MEI1: variants seen among roughly 807,000 people sequenced by gnomAD.
MEI1 encodes the protein meiosis inhibitor protein 1.
In MEI1, 103 loss-of-function variants were observed where a neutral mutation model predicts 146.2. That is an observed-to-expected ratio of 0.70 (90% CI 0.60 to 0.83). MEI1 has a LOEUF of 0.83. Among genes scored for constraint, MEI1 ranks in the 40% least tolerant of loss-of-function variants. MEI1 has a pLI of 0.00. For synonymous variants in MEI1, 652 were observed against 628.2 expected (o/e 1.04, Z -0.57); for missense variants, 1,529 against 1,533.0 (o/e 1.00, Z 0.04).
chr22:41,758,335 G>T, intron 17 of MEI1, 30 bp from the exon 18 acceptor site: 2 of 1,598,846 alleles, frequency 1.3e-6, no homozygotes, highest in Non-Finnish European at 1.7e-6. Flanking sequence ...TGTTCTCTGT[G>T]TGGCTTTCCT....
At chr22:41,735,577 A>G (rs1430914404) in intron 11 of MEI1, among the ~76,000 whole-genome samples, 1 of 152,146 alleles carries the variant, frequency 6.6e-6, no homozygotes, top group African/African-American at 2.4e-5. Flanking sequence ...TTTTTGGTCC[A>G]CAGTTGATTG....
chr22:41,790,284 A>AT (rs2076131642), intron 26 of MEI1, among the ~76,000 whole-genome samples: 1 of 152,042 alleles, frequency 6.6e-6, no homozygotes, highest in African/African-American at 2.4e-5. Flanking sequence ...GGGTTTCGCC[A>AT]TGTTGGCCAG....
intron 17 of MEI1, among the ~76,000 whole-genome samples, chr22:41,756,343 G>A (rs2074092119): frequency 6.6e-6 from 1 of 152,086 alleles, no homozygotes; most frequent in Non-Finnish European, 1.5e-5. Context: ...TGCCATGTTG[G>A]CCAGGCTGGT....
chr22:41,765,995 A>T (rs2148004658), intron 19 of MEI1, among the ~76,000 whole-genome samples: 1 of 141,068 alleles, frequency 7.1e-6, no homozygotes, highest in South Asian at 2.2e-4. Flanking sequence ...GGTTCATACC[A>T]TTCTCCTGCC....
intron 16 of MEI1, 80 bp downstream of exon 16, chr22:41,752,731 GTGT>G (rs1198827625): frequency 7.9e-7 from 1 of 1,270,510 alleles, no homozygotes; most frequent in Non-Finnish European, 1.1e-6. Flanking sequence ...TTGTTGGCTG[GTGT>G]GTTTTAGTCA....
At chr22:41,758,636 G>C in intron 18 of MEI1, 103 bp downstream of exon 18, 1 of 1,165,950 alleles carries the variant, frequency 8.6e-7, no homozygotes, top group Admixed American at 2.6e-5. Context: ...GCTGGGCACT[G>C]GGGACACGGG....
At chr22:41,770,584 C>T (rs1189738145) in intron 19 of MEI1, 102 bp from the exon 20 acceptor site, 15 of 1,140,856 alleles carry the variant, frequency 1.3e-5, no homozygotes, top group Middle Eastern at 2.1e-4. Context: ...TCCTGGAATA[C>T]TGAGATGACA....
intron 12 of MEI1, among the ~76,000 whole-genome samples, chr22:41,743,714 C>T (rs540584064): frequency 7.2e-5 from 11 of 152,204 alleles, no homozygotes; most frequent in South Asian, 4.1e-4. Flanking sequence ...AAGCTCTTTA[C>T]ACCTGATGGA....
intron 1 of MEI1, among the ~76,000 whole-genome samples, chr22:41,700,542 G>T (rs1355736159): frequency 1.3e-5 from 2 of 152,100 alleles, no homozygotes. Context: ...TGTTGGCCAG[G>T]CTGGTCTCGA....
intron 17 of MEI1, among the ~76,000 whole-genome samples, chr22:41,756,924 C>G (rs2147904895): frequency 6.6e-6 from 1 of 152,338 alleles, no homozygotes; most frequent in Middle Eastern, 3.4e-3. Context: ...CAGATTACAT[C>G]ACATAGTTCC....
chr22:41,730,799 T>C (rs745815591), intron 9 of MEI1, among the ~76,000 whole-genome samples, 162 bp downstream of exon 9: 24 of 152,182 alleles, frequency 1.6e-4, no homozygotes, highest in African/African-American at 1.9e-4. Context: ...TATGCAAGTA[T>C]TGATATCCAA....
At chr22:41,763,147 C>T (rs1328034566) in intron 18 of MEI1, 27 bp from the exon 19 acceptor site, 2 of 1,610,716 alleles carry the variant, frequency 1.2e-6, no homozygotes, top group African/African-American at 1.3e-5. Context: ...CTCTGCCTTT[C>T]TCACTCAGGC....
rs1359264052 is a variant in MEI1 at position 41,699,726 on chromosome 22, C to A, written c.174+14C>A. ...CCCGGCGTGTCGGTGCGGGCGGAAC[C>A]TTTTCTTCAGAAGACCTGGGTTTGG... is the stretch of plus-strand genomic sequence containing the variant. On this transcript the variant is annotated intron_variant, in intron 1 of 30. Coordinates refer to ENST00000401548, the MANE Select transcript of MEI1 (RefSeq NM_152513.4). The A allele has an allele frequency of 1.9e-6, 3 of 1,545,650 alleles. No individual in the cohort carries two copies. Among genetic ancestry groups the A allele is most frequent in the Non-Finnish European group, 2.6e-6 (3 of 1,147,202 alleles).
At chr22:41,771,936 C>G (rs2075203344) in intron 20 of MEI1, among the ~76,000 whole-genome samples, 1 of 152,176 alleles carries the variant, frequency 6.6e-6, no homozygotes, top group Admixed American at 6.5e-5. Flanking sequence ...CTAGACCAAT[C>G]TAAGTCTGTC....
chr22:41,784,780 G>T lies in MEI1; in HGVS notation c.3342G>T (p.Val1114=). The stretch of plus-strand genomic sequence containing the variant: ...TCATTGGGCTGCAGAACCTCCTGGT[G>T]CAGGTAAGGCCCTTGCTGAGTGGGG... ...SLVIGLQNLL[V]QKDPLLSQAC... Residue 1114 remains valine, a synonymous_variant, in exon 26 of 31, where the codon GTG becomes GTT. Transcript: ENST00000401548. 2 of 1,605,802 alleles carry T rather than the reference G, an allele frequency of 1.2e-6. No individual in the cohort carries two copies. Among genetic ancestry groups the T allele is most frequent in the Non-Finnish European group, 1.7e-6 (2 of 1,175,708 alleles).
At chr22:41,765,027 A>G (rs1289425078) in intron 19 of MEI1, among the ~76,000 whole-genome samples, 2 of 152,186 alleles carry the variant, frequency 1.3e-5, no homozygotes, top group East Asian at 3.8e-4. Flanking sequence ...TGAACAACCA[A>G]GAGTCTTGCT....
chr22:41,777,039 AC>A (rs2075476987), intron 21 of MEI1, among the ~76,000 whole-genome samples: 1 of 151,204 alleles, frequency 6.6e-6, no homozygotes, highest in African/African-American at 2.4e-5. Context: ...GTGGTCTCAA[AC>A]CCCTGAGCTC....
At chr22:41,727,865 C>A (rs534436195) in intron 7 of MEI1, among the ~76,000 whole-genome samples, 4 of 152,098 alleles carry the variant, frequency 2.6e-5, no homozygotes, top group Admixed American at 2.6e-4. Context: ...GGAAGCTCAT[C>A]GGAGTGTCAG....
chr22:41,780,848 G>A (rs2075724706), intron 22 of MEI1, among the ~76,000 whole-genome samples: 1 of 152,178 alleles, frequency 6.6e-6, no homozygotes, highest in Non-Finnish European at 1.5e-5. Flanking sequence ...GCCTCCCAAA[G>A]TGTTGGGATT....
Sources: allele counts gnomAD v4.1 joint callset (sites outside exome capture counted in the v4.1 genomes callset), GRCh38; gene constraint gnomAD v4.1.1; transcripts MANE v1.5; gene names NCBI Gene and HGNC (gene_info 2026-07-23, HGNC 2026-07-21).